The following ESRRG variants were observed in gnomAD, a reference collection of about 807,000 sequenced individuals.
The protein encoded by ESRRG is estrogen-related receptor gamma.
A neutral mutation model predicts 44.0 loss-of-function variants in ESRRG; 13 were observed. That is an observed-to-expected ratio of 0.30 (90% CI 0.19 to 0.47). ESRRG has a LOEUF of 0.47. Among genes scored for constraint, ESRRG ranks in the 20% least tolerant of loss-of-function variants. The pLI, the probability that ESRRG is intolerant of heterozygous loss-of-function variation, is 1.00. For synonymous variants in ESRRG, 215 were observed against 214.6 expected, an observed-to-expected ratio of 1.00 and a Z score of -0.02; for missense variants, 395 against 580.6, an observed-to-expected ratio of 0.68 and a Z score of 3.29.
intron 1 of ESRRG, among the ~76,000 whole-genome samples, chr1:216,949,448 A>G (rs1030088647): frequency 6.6e-6 from 1 of 152,158 alleles, no homozygotes; most frequent in Non-Finnish European, 1.5e-5. Flanking sequence ...CACACTATCC[A>G]CTTTGTACTT....
At chr1:217,086,037 T>C (rs2092068797) in intron 1 of ESRRG, among the ~76,000 whole-genome samples, 1 of 152,224 alleles carries the variant, frequency 6.6e-6, no homozygotes, top group Non-Finnish European at 1.5e-5. Context: ...GGTACATTAT[T>C]TTGACTTTAT....
intron 2 of ESRRG, among the ~76,000 whole-genome samples, chr1:216,821,346 T>C (rs142237176): frequency 1.0e-3 from 153 of 152,156 alleles, no homozygotes; most frequent in African/African-American, 3.6e-3. Flanking sequence ...ACTGAACCAT[T>C]TGAAATTGTG....
chr1:216,555,925 G>A (rs4846531), intron 5 of ESRRG, among the ~76,000 whole-genome samples: 62,202 of 151,860 alleles, frequency 0.41, 13,130 homozygotes, highest in Non-Finnish European at 0.46. Context: ...GAAAAAGTGC[G>A]ACCAGCCCAC....
chr1:216,799,236 G>T lies in ESRRG; in HGVS notation c.-13-121745C>A, dbSNP rs759289601. Among the ~76,000 whole-genome samples, 6 of 152,046 alleles carry T rather than the reference G, an allele frequency of 3.9e-5. No homozygotes were observed. The South Asian group carries it at 8.3e-4, about 21-fold the overall frequency. On this transcript the variant is annotated intron_variant, in intron 2 of 7. Coordinates refer to the ESRRG transcript ENST00000359162. ...AATATTCTCTTGACTCAGGAATTCC[G>T]ATAAACATAAAATTGATTTTTCATT...
intron 2 of ESRRG, among the ~76,000 whole-genome samples, chr1:216,912,603 T>C (rs2060606250): frequency 6.6e-6 from 1 of 152,158 alleles, no homozygotes; most frequent in Non-Finnish European, 1.5e-5. Flanking sequence ...GTAAATAATA[T>C]GTAATTACAT....
At chr1:217,007,263 G>T (rs908283045) in intron 1 of ESRRG, among the ~76,000 whole-genome samples, 1 of 152,068 alleles carries the variant, frequency 6.6e-6, no homozygotes, top group Non-Finnish European at 1.5e-5. Context: ...AAATTATGTG[G>T]GTCAAGGGGG....
At chr1:216,636,232 T>C (rs527434747) in intron 3 of ESRRG, among the ~76,000 whole-genome samples, 36 of 152,334 alleles carry the variant, frequency 2.4e-4, no homozygotes, top group Non-Finnish European at 4.6e-4. Context: ...AAATGCATCC[T>C]CTTCATTTTT....
At chr1:217,090,732 T>C (rs1156739018), upstream of ESRRG, among the ~76,000 whole-genome samples, 1 of 152,198 alleles carries the variant, frequency 6.6e-6, no homozygotes, top group East Asian at 1.9e-4. Flanking sequence ...GCTCCGGGCA[T>C]CTGGCCCACC....
chr1:216,875,920 C>G (rs1378691619), intron 2 of ESRRG, among the ~76,000 whole-genome samples: 2 of 152,018 alleles, frequency 1.3e-5, no homozygotes, highest in African/African-American at 4.8e-5. Context: ...TTTTAAGACA[C>G]AAACAGCCTT....
At chr1:216,928,722 C>A (rs971477548) in intron 2 of ESRRG, among the ~76,000 whole-genome samples, 1 of 152,064 alleles carries the variant, frequency 6.6e-6, no homozygotes, top group African/African-American at 2.4e-5. Flanking sequence ...AATCAACAAA[C>A]AAATGGAAAA....
At chr1:217,033,529 A>T (rs1032067586) in intron 1 of ESRRG, among the ~76,000 whole-genome samples, 1 of 152,212 alleles carries the variant, frequency 6.6e-6, no homozygotes, top group Non-Finnish European at 1.5e-5. Context: ...TTAAGCCCAA[A>T]AAAGATGTGA....
intron 2 of ESRRG, among the ~76,000 whole-genome samples, chr1:216,903,785 C>A (rs1251109477): frequency 6.6e-6 from 1 of 152,102 alleles, no homozygotes; most frequent in Non-Finnish European, 1.5e-5. Flanking sequence ...ATACCAACCA[C>A]CCTCTGCAGC....
At chr1:216,555,561 T>G (rs901532140) in intron 5 of ESRRG, among the ~76,000 whole-genome samples, 1 of 151,676 alleles carries the variant, frequency 6.6e-6, no homozygotes, top group Non-Finnish European at 1.5e-5. Flanking sequence ...CCTGAATAGT[T>G]AAAACAATTT....
At chr1:216,696,646 C>T (rs928430312) in intron 1 of ESRRG, among the ~76,000 whole-genome samples, 5 of 152,114 alleles carry the variant, frequency 3.3e-5, no homozygotes, top group African/African-American at 1.2e-4. Context: ...ATCATAGTTA[C>T]TCCCTAATTG....
At chr1:216,958,631 T>C (rs2576225) in intron 1 of ESRRG, among the ~76,000 whole-genome samples, 78,582 of 152,036 alleles carry the variant, frequency 0.52, 22,019 homozygotes, top group Middle Eastern at 0.7. Flanking sequence ...AAAAATATGT[T>C]AGTTCTTAAC....
intron 2 of ESRRG, among the ~76,000 whole-genome samples, chr1:216,770,963 G>A (rs1054719308): frequency 1.3e-5 from 2 of 151,856 alleles, no homozygotes; most frequent in Non-Finnish European, 2.9e-5. Context: ...TCCAAGCTAG[G>A]TATTGGATGA....
chr1:216,552,893 C>T (rs2056731708), intron 5 of ESRRG, among the ~76,000 whole-genome samples: 1 of 152,132 alleles, frequency 6.6e-6, no homozygotes, highest in South Asian at 2.1e-4. Context: ...TTATAAAGCT[C>T]TCTCTTTTAG....
chr1:217,092,515 G>A (rs1268020091), upstream of ESRRG, among the ~76,000 whole-genome samples: 5 of 152,174 alleles, frequency 3.3e-5, no homozygotes, highest in African/African-American at 1.2e-4. Context: ...AGTGTCCTGA[G>A]TGTTCGCCAT....
chr1:216,722,417 C>T (rs915286814), intron 1 of ESRRG, among the ~76,000 whole-genome samples: 1 of 135,472 alleles, frequency 7.4e-6, no homozygotes, highest in Non-Finnish European at 1.6e-5. Context: ...TCACTCCCCC[C>T]CCTTTAGTAA....
Sources: gnomAD v4.1 joint callset for allele counts (sites outside exome capture counted in the v4.1 genomes callset) on GRCh38, gnomAD v4.1.1 for gene constraint, MANE v1.5 for transcripts, NCBI Gene and HGNC (gene_info 2026-07-23, HGNC 2026-07-21) for gene names.